The following MEF2C variants were observed in gnomAD, a reference collection of about 807,000 sequenced individuals.
MEF2C encodes myocyte enhancer factor 2C.
MEF2C carries 6 observed loss-of-function variants against 50.5 expected under a neutral mutation model. That is an observed-to-expected ratio of 0.12 (90% CI 0.07 to 0.23). The LOEUF (loss-of-function observed/expected upper bound fraction) is 0.23, where lower values mean the gene tolerates loss of function less well. Among genes scored for constraint, MEF2C ranks in the 10% least tolerant of loss-of-function variants. The pLI is 1.00. For missense variants in MEF2C, 276 were observed against 605.0 expected (o/e 0.46, Z 5.70); for synonymous variants, 183 against 228.0 (o/e 0.80, Z 1.78).
intron 3 of MEF2C, chr5:88,768,832 A>G (rs1264102136): frequency 6.6e-6 from 2 of 303,958 alleles, no homozygotes; most frequent in African/African-American, 4.5e-5. Flanking sequence ...CAAATTTACT[A>G]CTTTTTGAAA....
intron 3 of MEF2C, among the ~76,000 whole-genome samples, chr5:88,777,832 T>G (rs1236851470): frequency 6.6e-6 from 1 of 151,644 alleles, no homozygotes; most frequent in South Asian, 2.1e-4. Context: ...GTACTATCTA[T>G]CTAGTTAAAA....
intron 3 of MEF2C, among the ~76,000 whole-genome samples, chr5:88,797,455 C>CTTTTTTTTTTTTTTTTTTTTTT (rs879036291): frequency 1.6e-5 from 1 of 63,284 alleles, no homozygotes; most frequent in African/African-American, 7.7e-5. Flanking sequence ...CAACCCTTGC[C>CTTTTTTTTTTTTTTTTTTTTTT]TTTTTTTTTT....
At chr5:88,868,510 A>G (rs1828131873) in intron 1 of MEF2C, among the ~76,000 whole-genome samples, 1 of 152,144 alleles carries the variant, frequency 6.6e-6, no homozygotes, top group African/African-American at 2.4e-5. Context: ...TTGCAGCAAA[A>G]TAAATGATTC....
intron 3 of MEF2C, among the ~76,000 whole-genome samples, chr5:88,796,340 T>C (rs1796019733): frequency 1.3e-5 from 2 of 152,190 alleles, no homozygotes; most frequent in African/African-American, 4.8e-5. Flanking sequence ...CTATTCAGTA[T>C]TTGACTTCTT....
chr5:88,765,606 A>G (rs1779709799), intron 3 of MEF2C, among the ~76,000 whole-genome samples: 1 of 152,172 alleles, frequency 6.6e-6, no homozygotes, highest in Non-Finnish European at 1.5e-5. Context: ...GCCCTTTTCT[A>G]GCAAAATCAA....
intron 3 of MEF2C, chr5:88,769,997 A>G (rs1246770975): frequency 3.0e-6 from 3 of 985,314 alleles, no homozygotes; most frequent in African/African-American, 1.7e-5. Flanking sequence ...CTGGAATGCA[A>G]AGAATCAAGT....
At chr5:88,772,544 T>A (rs1183570751) in intron 3 of MEF2C, among the ~76,000 whole-genome samples, 1 of 152,240 alleles carries the variant, frequency 6.6e-6, no homozygotes, top group African/African-American at 2.4e-5. Context: ...CAGTTTTCAA[T>A]TTGGGACAGC....
At chr5:88,842,912 T>A (rs1356459405) in intron 1 of MEF2C, among the ~76,000 whole-genome samples, 1 of 152,166 alleles carries the variant, frequency 6.6e-6, no homozygotes, top group Admixed American at 6.5e-5. Context: ...GTGGGTTCTA[T>A]TCTGGAACAG....
At chr5:88,738,428 A>G (rs1765048084) in intron 6 of MEF2C, 1 of 945,614 alleles carries the variant, frequency 1.1e-6, no homozygotes, top group Admixed American at 6.2e-5. Flanking sequence ...TTTAATCTTC[A>G]CAAGAACAAC....
At chr5:88,735,483 T>C (rs1475092759) in intron 6 of MEF2C, 3 of 985,184 alleles carry the variant, frequency 3.0e-6, no homozygotes, top group Non-Finnish European at 2.4e-6. Flanking sequence ...TTCCTGATTA[T>C]AGATTATAAG....
At chr5:88,773,428 GAAGA>G (rs926956443) in intron 3 of MEF2C, among the ~76,000 whole-genome samples, 59 of 152,242 alleles carry the variant, frequency 3.9e-4, no homozygotes, top group African/African-American at 1.3e-3. Context: ...AAATCACGTG[GAAGA>G]GAGAGTTAAT....
intron 1 of MEF2C, chr5:88,881,266 T>C (rs1832738254): frequency 6.6e-6 from 1 of 152,204 alleles, no homozygotes; most frequent in South Asian, 2.1e-4. Context: ...ATATTTGATT[T>C]AAAATATTTC....
intron 3 of MEF2C, among the ~76,000 whole-genome samples, chr5:88,776,898 G>GCCAA (rs1785055706): frequency 6.6e-6 from 1 of 152,258 alleles, no homozygotes; most frequent in Admixed American, 6.5e-5. Flanking sequence ...ACTCAACAAG[G>GCCAA]CCAAGTGCAT....
At chr5:88,734,227 T>TGAAG in intron 6 of MEF2C, 4 of 985,360 alleles carry the variant, frequency 4.1e-6, no homozygotes, top group Non-Finnish European at 4.8e-6. Context: ...TATACTTTGC[T>TGAAG]GTCAGCTGAA....
intron 2 of MEF2C, among the ~76,000 whole-genome samples, chr5:88,822,122 A>T (rs1453591372): frequency 6.6e-6 from 1 of 151,986 alleles, no homozygotes; most frequent in African/African-American, 2.4e-5. Flanking sequence ...ATAAAAGCTC[A>T]TGAATTCAAC....
intron 10 of MEF2C, among the ~76,000 whole-genome samples, chr5:88,725,075 A>G (rs911347565): frequency 6.6e-6 from 1 of 152,106 alleles, no homozygotes; most frequent in African/African-American, 2.4e-5. Context: ...AAAATAATAT[A>G]ACCAAAATTC....
intron 6 of MEF2C, chr5:88,733,084 G>A: frequency 2.0e-6 from 2 of 985,342 alleles, no homozygotes; most frequent in Non-Finnish European, 2.4e-6. Flanking sequence ...GCAGCGTAGG[G>A]TGAGGTGCCT....
chr5:88,739,302 TTGC>T, intron 6 of MEF2C: 1 of 984,360 alleles, frequency 1.0e-6, no homozygotes, highest in Non-Finnish European at 1.2e-6. Context: ...AAGTATCAAT[TTGC>T]TGCTTTTACT....
chr5:88,881,547 T>C (rs1832834196), intron 1 of MEF2C, among the ~76,000 whole-genome samples: 1 of 152,152 alleles, frequency 6.6e-6, no homozygotes, highest in Non-Finnish European at 1.5e-5. Flanking sequence ...AAATTAGAGA[T>C]TGTTGATCTA....
Sources: gnomAD v4.1 joint callset for allele counts (sites outside exome capture counted in the v4.1 genomes callset) on GRCh38, gnomAD v4.1.1 for gene constraint, MANE v1.5 for transcripts, NCBI Gene and HGNC (gene_info 2026-07-23, HGNC 2026-07-21) for gene names.